Variants in DENND1A observed in about 807,000 individuals in gnomAD.
The protein encoded by DENND1A is DENN domain-containing protein 1A.
In DENND1A, 51 loss-of-function variants were observed where a neutral mutation model predicts 113.7. That is an observed-to-expected ratio of 0.45 (90% CI 0.36 to 0.57). The LOEUF (loss-of-function observed/expected upper bound fraction) is 0.57, where lower values mean the gene tolerates loss of function less well. DENND1A is among the 20% of genes least tolerant of loss of function. DENND1A has a pLI of 0.00. For synonymous variants in DENND1A, 565 were observed against 570.8 expected (o/e 0.99, Z 0.14); for missense variants, 1,258 against 1,395.9 (o/e 0.90, Z 1.57).
intron 18 of DENND1A, among the ~76,000 whole-genome samples, chr9:123,445,767 T>C (rs1458999675): frequency 6.6e-6 from 1 of 152,182 alleles, no homozygotes; most frequent in Non-Finnish European, 1.5e-5. Flanking sequence ...CTTGGGTGGC[T>C]GAAGCAGGAG....
At chr9:123,501,315 TACC>T (rs775783608) in intron 13 of DENND1A, among the ~76,000 whole-genome samples, 9 of 152,252 alleles carry the variant, frequency 5.9e-5, no homozygotes, top group Non-Finnish European at 1.2e-4. Context: ...TATTTGTATA[TACC>T]ACATTTTGTT....
At chr9:123,767,657 T>A (rs1017445758) in intron 4 of DENND1A, among the ~76,000 whole-genome samples, 7 of 152,158 alleles carry the variant, frequency 4.6e-5, no homozygotes, top group Non-Finnish European at 8.8e-5. Context: ...TGTGTGTATG[T>A]GTGTATGCAC....
chr9:123,911,415 G>C (rs1015462081), intron 1 of DENND1A, among the ~76,000 whole-genome samples: 11 of 152,018 alleles, frequency 7.2e-5, no homozygotes, highest in Non-Finnish European at 1.5e-4. Context: ...TCCAATCCTG[G>C]GTATAAACCT....
intron 5 of DENND1A, among the ~76,000 whole-genome samples, chr9:123,735,056 G>A (rs1255125450): frequency 2.0e-5 from 3 of 152,092 alleles, no homozygotes; most frequent in Non-Finnish European, 2.9e-5. Flanking sequence ...GGGAAAAGAG[G>A]AGATGGGATT....
Position 123,383,863 on chromosome 9 carries a change from T to C in DENND1A, c.1811A>G (p.Glu604Gly). 6.2e-7 allele frequency: 1 copy of C among 1,613,482 alleles called. No individual in the cohort carries two copies. Among genetic ancestry groups the C allele is most frequent in the Non-Finnish European group, 8.5e-7 (1 of 1,180,016 alleles). Residue 604 changes from glutamate (E) to glycine (G), a missense_variant, in exon 23 of 24, where the codon GAG becomes GGG. By Grantham distance (98) the Glu-to-Gly change is moderately conservative. Transcript: ENST00000394215. The stretch of plus-strand genomic sequence containing the variant: ...CACTTGCTGCTCTGGACTCTCTGCC[T>C]CGTCGCCTTCCGCGCTGTCTGACTC... Reference protein sequence around the residue: ...LRESDSAEGDEAESPEQQVRK... With the variant: ...LRESDSAEGDGAESPEQQVRK...
rs2061754586 is a variant in DENND1A, at chr9:123,637,281, G to C, written c.619-6805C>G. ...GACTTTAAAGGGAGGTCATTCTTAA[G>C]TTTGTTCATTTTGACCAGGGATCAT... On this transcript the variant is annotated intron_variant, in intron 9 of 23. Transcript: ENST00000394215. Among the ~76,000 whole-genome samples, 4 of 152,222 alleles carry C rather than the reference G, an allele frequency of 2.6e-5. 1 individual carries two copies. In the South Asian group the frequency reaches 8.3e-4, roughly 32 times the overall value.
chr9:123,449,499 C>T (rs990232285), intron 18 of DENND1A, among the ~76,000 whole-genome samples: 17 of 148,696 alleles, frequency 1.1e-4, no homozygotes, highest in Non-Finnish European at 2.2e-4. Context: ...CGCGCCATTG[C>T]ACTCCAGCAT....
At chr9:123,729,656 T>C (rs1445252750) in intron 5 of DENND1A, among the ~76,000 whole-genome samples, 4 of 152,144 alleles carry the variant, frequency 2.6e-5, no homozygotes, top group African/African-American at 7.2e-5. Flanking sequence ...GATAGAAGAA[T>C]CAGTATCATG....
At chr9:123,503,058 G>A (rs550115954) in intron 13 of DENND1A, among the ~76,000 whole-genome samples, 1 of 152,244 alleles carries the variant, frequency 6.6e-6, no homozygotes, top group South Asian at 2.1e-4. Flanking sequence ...TAGGCTTTTT[G>A]GGGAGAGTAC....
chr9:123,925,647 T>C (rs1479743632), intron 1 of DENND1A, among the ~76,000 whole-genome samples: 2 of 152,218 alleles, frequency 1.3e-5, no homozygotes, highest in African/African-American at 4.8e-5. Flanking sequence ...ATTATGATAA[T>C]AATGGCTAAC....
intron 7 of DENND1A, among the ~76,000 whole-genome samples, chr9:123,670,357 G>A (rs1410673360): frequency 6.6e-6 from 1 of 152,218 alleles, no homozygotes; most frequent in Non-Finnish European, 1.5e-5. Context: ...GTCCATCTGA[G>A]AATTCTGATG....
chr9:123,414,005 C>A (rs1235817363), intron 19 of DENND1A: 1 of 989,110 alleles, frequency 1.0e-6, no homozygotes, highest in Non-Finnish European at 1.2e-6. Flanking sequence ...GGGGAACCAT[C>A]TTCTCCAGCC....
At chr9:123,550,471 A>G (rs936186236) in intron 13 of DENND1A, among the ~76,000 whole-genome samples, 3 of 152,166 alleles carry the variant, frequency 2.0e-5, no homozygotes, top group African/African-American at 4.8e-5. Context: ...ACCAATACCC[A>G]TGGGTTTTGC....
At chr9:123,803,798 T>C (rs191445019) in intron 2 of DENND1A, among the ~76,000 whole-genome samples, 6 of 152,236 alleles carry the variant, frequency 3.9e-5, no homozygotes, top group Non-Finnish European at 8.8e-5. Flanking sequence ...TTTGTAGCTA[T>C]ATTCTTTGAA....
intron 12 of DENND1A, among the ~76,000 whole-genome samples, chr9:123,560,069 C>T (rs2057651717): frequency 6.6e-6 from 1 of 152,226 alleles, no homozygotes; most frequent in Non-Finnish European, 1.5e-5. Context: ...GGATAGACCA[C>T]ATTTTATCGA....
At chr9:123,477,791 C>A (rs183341306) in intron 13 of DENND1A, among the ~76,000 whole-genome samples, 44 of 152,212 alleles carry the variant, frequency 2.9e-4, no homozygotes, top group African/African-American at 1.0e-3. Flanking sequence ...GTGCCTCCCC[C>A]CTCCCTCCAG....
intron 19 of DENND1A, among the ~76,000 whole-genome samples, chr9:123,428,165 CA>C (rs1270771668): frequency 1.3e-5 from 2 of 152,066 alleles, no homozygotes; most frequent in African/African-American, 4.8e-5. Context: ...TTAAACAAGC[CA>C]AAACGAATCC....
chr9:123,464,216 C>T (rs763044092), intron 13 of DENND1A, among the ~76,000 whole-genome samples: 1 of 152,076 alleles, frequency 6.6e-6, no homozygotes, highest in African/African-American at 2.4e-5. Context: ...AGAGTTGGTA[C>T]AAACAGTAAT....
At chr9:123,429,554 C>CA (rs1196460854) in intron 19 of DENND1A, among the ~76,000 whole-genome samples, 1 of 151,820 alleles carries the variant, frequency 6.6e-6, no homozygotes, top group Non-Finnish European at 1.5e-5. Context: ...GGCTCTGTCT[C>CA]AAAAAAACAA....
Sources: allele counts gnomAD v4.1 joint callset (sites outside exome capture counted in the v4.1 genomes callset), GRCh38; gene constraint gnomAD v4.1.1; transcripts MANE v1.5; gene names NCBI Gene and HGNC (gene_info 2026-07-23, HGNC 2026-07-21).